NBAS: variants seen among roughly 807,000 people sequenced by gnomAD.
NBAS encodes NAG/BC035112 fusion.
A neutral mutation model predicts 302.5 loss-of-function variants in NBAS; 219 were observed. That is an observed-to-expected ratio of 0.72 (90% CI 0.65 to 0.81). The LOEUF is 0.81. Among genes scored for constraint, NBAS ranks in the 30% least tolerant of loss-of-function variants. The probability of loss-of-function intolerance (pLI) is 0.00; values close to 1 mark genes in which losing one functional copy is unlikely to be tolerated. For missense variants in NBAS, 2,932 were observed against 2,841.6 expected (o/e 1.03, Z -0.72); for synonymous variants, 1,118 against 1,021.6 (o/e 1.09, Z -1.80).
At chr2:15,499,835 G>A (rs1164812954) in intron 11 of NBAS, among the ~76,000 whole-genome samples, 1 of 152,060 alleles carries the variant, frequency 6.6e-6, no homozygotes, top group Non-Finnish European at 1.5e-5. Context: ...GTTTTGAGAA[G>A]GCATAGTGAT....
the NBAS span, among the ~76,000 whole-genome samples, chr2:14,960,094 G>T: frequency 6.6e-6 from 1 of 152,154 alleles, no homozygotes; most frequent in Non-Finnish European, 1.5e-5. Context: ...TGATTTTTAG[G>T]TCATCATCTG....
At chr2:15,306,610 A>G (rs375145441) in intron 40 of NBAS, among the ~76,000 whole-genome samples, 1 of 152,224 alleles carries the variant, frequency 6.6e-6, no homozygotes, top group African/African-American at 2.4e-5. Flanking sequence ...TTATTTCCTT[A>G]CATAAAATAT....
At chr2:15,265,937 C>T (rs11904635) in intron 44 of NBAS, among the ~76,000 whole-genome samples, 1 of 152,026 alleles carries the variant, frequency 6.6e-6, no homozygotes, top group Non-Finnish European at 1.5e-5. Flanking sequence ...TAAGGACAGC[C>T]GATAATACGG....
the NBAS span, among the ~76,000 whole-genome samples, chr2:15,038,540 C>T: frequency 6.6e-6 from 1 of 152,194 alleles, no homozygotes; most frequent in Non-Finnish European, 1.5e-5. Context: ...ACTTTTCACA[C>T]TTTGTTGCTC....
chr2:15,135,934 G>A, the NBAS span, among the ~76,000 whole-genome samples: 4 of 151,436 alleles, frequency 2.6e-5, no homozygotes, highest in African/African-American at 9.7e-5. Context: ...TGACGAATTT[G>A]TTTTGGGTCG....
chr2:14,951,658 C>T, the NBAS span, among the ~76,000 whole-genome samples: 2 of 152,300 alleles, frequency 1.3e-5, no homozygotes, highest in East Asian at 3.9e-4. Context: ...GGAATAAAAG[C>T]TCCCTTTTAT....
At chr2:15,249,362 T>A (rs1481384469) in intron 44 of NBAS, among the ~76,000 whole-genome samples, 1 of 152,218 alleles carries the variant, frequency 6.6e-6, no homozygotes, top group East Asian at 1.9e-4. Context: ...AATATCATAC[T>A]GAATGGGCAA....
chr2:15,058,255 T>G, the NBAS span, among the ~76,000 whole-genome samples: 1 of 152,138 alleles, frequency 6.6e-6, no homozygotes, highest in Non-Finnish European at 1.5e-5. Flanking sequence ...TGGAGACATT[T>G]TTGGTAGTCA....
At chr2:15,314,593 C>A (rs1671425582) in intron 38 of NBAS, among the ~76,000 whole-genome samples, 2 of 152,094 alleles carry the variant, frequency 1.3e-5, no homozygotes, top group African/African-American at 2.4e-5. Context: ...CCAAAAAATC[C>A]ACAACAGCTG....
At chr2:15,547,260 T>C (rs1192798402) in intron 6 of NBAS, among the ~76,000 whole-genome samples, 1 of 152,246 alleles carries the variant, frequency 6.6e-6, no homozygotes, top group Non-Finnish European at 1.5e-5. Flanking sequence ...GTTTCAAAAA[T>C]GCATTAACAA....
chr2:15,348,119 G>C (rs1456769890), intron 35 of NBAS, among the ~76,000 whole-genome samples: 2 of 152,154 alleles, frequency 1.3e-5, no homozygotes, highest in African/African-American at 4.8e-5. Context: ...TTATAGCTAA[G>C]CACTATATTT....
chr2:15,519,218 T>C (rs1463607833), intron 9 of NBAS, among the ~76,000 whole-genome samples: 1 of 152,168 alleles, frequency 6.6e-6, no homozygotes, highest in Non-Finnish European at 1.5e-5. Flanking sequence ...TGAAGAAACA[T>C]CTTAGTAAAC....
chr2:15,345,062 G>A (rs906206951), intron 35 of NBAS, among the ~76,000 whole-genome samples: 4 of 152,018 alleles, frequency 2.6e-5, no homozygotes, highest in African/African-American at 7.2e-5. Context: ...CATTAAATGG[G>A]CAAAAACTGG....
downstream of NBAS, among the ~76,000 whole-genome samples, chr2:15,165,770 G>C (rs1420552406): frequency 6.6e-6 from 1 of 152,204 alleles, no homozygotes; most frequent in Non-Finnish European, 1.5e-5. Flanking sequence ...GGCTTTGACA[G>C]AGCAATGCAG....
the NBAS span, among the ~76,000 whole-genome samples, chr2:14,787,255 T>A: frequency 8.5e-5 from 13 of 152,164 alleles, no homozygotes; most frequent in Non-Finnish European, 1.8e-4. Flanking sequence ...AGCACACTGA[T>A]GGGTCTTGAC....
At chr2:15,480,505 A>G (rs1401745126) in intron 12 of NBAS, among the ~76,000 whole-genome samples, 1 of 152,134 alleles carries the variant, frequency 6.6e-6, no homozygotes, top group African/African-American at 2.4e-5. Context: ...TAAAAGGTAT[A>G]GGGGCCTTCG....
rs771222723 is a variant in NBAS, at chr2:15,402,176, T to G, written c.3063A>C (p.Arg1021Ser). 6.2e-7 allele frequency: 1 copy of G among 1,613,548 alleles called. No homozygotes were observed. Among genetic ancestry groups the G allele is most frequent in the Non-Finnish European group, 8.5e-7 (1 of 1,179,592 alleles). The stretch of plus-strand genomic sequence containing the variant: ...ATACTGTGTATTCTTACCCATATCC[T>G]CTTTCTGGCAGACATTCTAGTAGGT... ...CYDLLECLPE[R>S]GYGDKTEATT... Residue 1021 changes from arginine to serine, a missense_variant, in exon 26 of 52, where the codon AGA (arginine) becomes AGC (serine). By Grantham distance (110) the Arg-to-Ser change is moderately radical. Coordinates refer to ENST00000281513, the MANE Select transcript of NBAS (RefSeq NM_015909.4).
At position 15,536,423 on chromosome 2, in the gene NBAS, A is replaced by G; in HGVS notation, c.642T>C (p.Leu214=). Residue 214 remains leucine, a synonymous_variant, in exon 8 of 52, where the codon CTT becomes CTC. Coordinates refer to ENST00000281513, the MANE Select transcript of NBAS (RefSeq NM_015909.4). The part of the protein sequence containing the change: ...INYRGELRSY[L]VSVGTNQSYQ... ...CTTCCAAAGCACATTTTTACCTTAC[A>G]AGGTAACTTCTAAGTTCTCCTCGGT... The G allele has an allele frequency of 6.2e-7, 1 of 1,613,426 alleles. No homozygotes were observed. Among genetic ancestry groups the G allele is most frequent in the Non-Finnish European group, 8.5e-7 (1 of 1,179,910 alleles).
At chr2:14,786,165 A>G in the NBAS span, among the ~76,000 whole-genome samples, 3 of 151,958 alleles carry the variant, frequency 2.0e-5, no homozygotes, top group Non-Finnish European at 2.9e-5. Context: ...ATTGGTGGTG[A>G]TATCCCCTTT....
Sources: allele counts gnomAD v4.1 joint callset (sites outside exome capture counted in the v4.1 genomes callset), GRCh38; gene constraint gnomAD v4.1.1; transcripts MANE v1.5; gene names NCBI Gene and HGNC (gene_info 2026-07-23, HGNC 2026-07-21).